Variants in CMKLR1 observed in about 807,000 individuals in gnomAD.
CMKLR1 encodes the protein chemerin chemokine-like receptor 1, also known as chemerin-like receptor 1.
A neutral mutation model predicts 8.2 loss-of-function variants in CMKLR1; 6 were observed. The ratio of observed to expected loss-of-function variants is 0.73; its 90% CI spans 0.40 to 1.44. The LOEUF (loss-of-function observed/expected upper bound fraction) is 1.44. CMKLR1 is among the 40% of genes most tolerant of loss of function. CMKLR1 has a pLI of 0.02. For missense variants in CMKLR1, 429 were observed against 478.0 expected (o/e 0.90, Z 0.96); for synonymous variants, 178 against 181.2 (o/e 0.98, Z 0.14).
Position 108,288,539 on chromosome 12 carries a change from C to T in CMKLR1, c.*3302G>A, listed in dbSNP as rs1000995845. On this transcript the variant is annotated 3_prime_UTR_variant, in exon 4 of 4. Coordinates refer to ENST00000550402, the MANE Select transcript of CMKLR1 (RefSeq NM_001142343.2). ...TTGTCAGTGCCCAGTTTCCTCACCC[C>T]TTCTGAACCTTGCTGCCAGAATCTC... 1 of 152,384 alleles carries T rather than the reference C, an allele frequency of 6.6e-6. No individual in the cohort carries two copies. Among genetic ancestry groups the T allele is most frequent in the Admixed American group, 6.5e-5 (1 of 15,288 alleles). The allele number at this position is 152,384 out of a possible 1,614,324, so 9.4% of individuals were successfully genotyped here.
At chr12:108,293,280 A>C (rs1891044597) in intron 3 of CMKLR1, among the ~76,000 whole-genome samples, 1 of 152,172 alleles carries the variant, frequency 6.6e-6, no homozygotes, top group South Asian at 2.1e-4. Context: ...CAGCTAGGAA[A>C]AGGCAGACCT....
At chr12:108,296,974 A>G (rs1566018876) in intron 2 of CMKLR1, among the ~76,000 whole-genome samples, 1 of 152,272 alleles carries the variant, frequency 6.6e-6, no homozygotes, top group Non-Finnish European at 1.5e-5. Flanking sequence ...TGAATTATAA[A>G]GAGCTGTAAA....
chr12:108,293,722 G>A (rs1891055615), intron 2 of CMKLR1, 58 bp from the exon 3 acceptor site: 4 of 947,754 alleles, frequency 4.2e-6, no homozygotes, highest in East Asian at 2.6e-5. Flanking sequence ...AAGAACCAGA[G>A]GGTTGAGTGG....
rs947153008 is a variant in CMKLR1, at chr12:108,291,748, G to A, written c.*93C>T. 36 of 1,281,934 alleles carry A rather than the reference G, an allele frequency of 2.8e-5. No individual in the cohort carries two copies. In the African/African-American group the frequency reaches 5.2e-4, roughly 19 times the overall value. 79.4% of individuals were successfully genotyped at this position (1,281,934 alleles called of 1,614,324 possible). A position where few individuals can be genotyped will look rare whatever the true frequency, so the allele number is the denominator to read the frequency against. ...ATGCAAAATGCAGTGAAAATTGGTG[G>A]ATGCTAAAGAGGTTCTTGCCTTGAT... is the stretch of plus-strand genomic sequence containing the variant. On this transcript the variant is annotated 3_prime_UTR_variant, in exon 4 of 4. Coordinates refer to ENST00000550402, the MANE Select transcript of CMKLR1 (RefSeq NM_001142343.2).
intron 2 of CMKLR1, among the ~76,000 whole-genome samples, chr12:108,322,144 T>A (rs1891876981): frequency 6.6e-6 from 1 of 152,116 alleles, no homozygotes; most frequent in African/African-American, 2.4e-5. Flanking sequence ...TTTCTAAATG[T>A]GGAGGGAGAA....
At chr12:108,299,912 G>A (rs1891223941) in intron 2 of CMKLR1, among the ~76,000 whole-genome samples, 1 of 152,182 alleles carries the variant, frequency 6.6e-6, no homozygotes, top group African/African-American at 2.4e-5. Context: ...GGCAGCGCTG[G>A]AAAACAAATA....
chr12:108,325,885 A>C (rs1891971867), intron 2 of CMKLR1, among the ~76,000 whole-genome samples: 2 of 133,906 alleles, frequency 1.5e-5, no homozygotes, highest in Admixed American at 8.2e-5. Context: ...CAGTTTTACC[A>C]GTTCTGCAGA....
At chr12:108,293,707 G>C in intron 2 of CMKLR1, 43 bp from the exon 3 acceptor site, 1 of 1,190,416 alleles carries the variant, frequency 8.4e-7, no homozygotes, top group Non-Finnish European at 1.2e-6. Flanking sequence ...ATTGGATCCA[G>C]GTCTAAGAAC....
At chr12:108,316,312 T>C (rs2137324911) in intron 2 of CMKLR1, among the ~76,000 whole-genome samples, 1 of 151,816 alleles carries the variant, frequency 6.6e-6, no homozygotes, top group South Asian at 2.1e-4. Flanking sequence ...GGATAGGTGA[T>C]CTTAGGAGGG....
At chr12:108,311,420 G>C (rs573098955) in intron 2 of CMKLR1, among the ~76,000 whole-genome samples, 4 of 152,292 alleles carry the variant, frequency 2.6e-5, no homozygotes, top group African/African-American at 9.6e-5. Flanking sequence ...TACAACACCA[G>C]CTTGGGCATC....
chr12:108,298,291 A>C (rs1891185245), intron 2 of CMKLR1, among the ~76,000 whole-genome samples: 1 of 152,218 alleles, frequency 6.6e-6, no homozygotes, highest in South Asian at 2.1e-4. Flanking sequence ...AAGAGTCCAA[A>C]CACTGTATCA....
rs765046025 is a variant in CMKLR1, at chr12:108,292,324, C to A, written c.639G>T (p.Gly213=). The stretch of plus-strand genomic sequence containing the variant: ...CAGTCACCACCATGTGCCGGCTATA[C>A]CCCACAGGGTCCATTTGGGAGTGAG... ...WPTHSQMDPV[G]YSRHMVVTVT... The change falls in exon 4 of 4, where the codon GGG becomes GGT. Residue 213 remains glycine (G), a synonymous_variant. Coordinates refer to ENST00000550402, the MANE Select transcript of CMKLR1 (RefSeq NM_001142343.2). 1.2e-6 allele frequency: 2 copies of A among 1,614,140 alleles called. No homozygotes were observed. Among genetic ancestry groups the A allele is most frequent in the Non-Finnish European group, 1.7e-6 (2 of 1,180,024 alleles).
chr12:108,327,671 G>T (rs1394907013), intron 2 of CMKLR1, among the ~76,000 whole-genome samples: 1 of 152,230 alleles, frequency 6.6e-6, no homozygotes, highest in African/African-American at 2.4e-5. Context: ...TCAGCCAAGA[G>T]GTAGGACTGG....
chr12:108,292,875 C>A lies in CMKLR1; in HGVS notation c.88G>T (p.Asp30Tyr). 1.7e-5 allele frequency: 27 copies of A among 1,614,112 alleles called. No homozygotes were observed. The highest frequency in any genetic ancestry group is 2.3e-5 in the Non-Finnish European group (27 of 1,180,018). The change falls in exon 4 of 4, where the codon GAC becomes TAC. Residue 30 changes from aspartate (D) to tyrosine (Y), a missense_variant. Physicochemically the swap from Asp to Tyr is radical, Grantham distance 160 (BLOSUM62 -3). Transcript: ENST00000550402. ...ACCCTGGCTTCCAAGGGGGATAAGT[C>A]CTCCAAAACCACAATGGAGTCTAAA... ...DYLDSIVVLE[D>Y]LSPLEARVTR... is the part of the protein sequence containing the mutation.
At chr12:108,320,938 G>A (rs1474017802) in intron 2 of CMKLR1, among the ~76,000 whole-genome samples, 1 of 152,208 alleles carries the variant, frequency 6.6e-6, no homozygotes, top group Non-Finnish European at 1.5e-5. Context: ...GATGTTTTTG[G>A]TGCCTAGTCT....
intron 2 of CMKLR1, chr12:108,320,707 C>G (rs532151396): frequency 5.2e-5 from 8 of 152,508 alleles, no homozygotes; most frequent in African/African-American, 1.9e-4. Flanking sequence ...ACTGAGCCAG[C>G]AGCTTAGGAC....
intron 2 of CMKLR1, among the ~76,000 whole-genome samples, chr12:108,311,665 GA>G (rs1435996977): frequency 6.6e-6 from 1 of 152,196 alleles, no homozygotes; most frequent in African/African-American, 2.4e-5. Flanking sequence ...ACGCTAAGGG[GA>G]AAAGGCAGCA....
intron 2 of CMKLR1, among the ~76,000 whole-genome samples, chr12:108,321,789 T>C (rs1891868327): frequency 6.6e-6 from 1 of 152,202 alleles, no homozygotes; most frequent in African/African-American, 2.4e-5. Context: ...CAAGGCTCTC[T>C]CTCTGCTCAC....
intron 2 of CMKLR1, among the ~76,000 whole-genome samples, chr12:108,312,489 G>A (rs1052665885): frequency 2.6e-5 from 4 of 152,332 alleles, no homozygotes; most frequent in East Asian, 1.9e-4. Context: ...CCAAAACTGA[G>A]AGTCTGGGGC....
Sources: allele counts gnomAD v4.1 joint callset (sites outside exome capture counted in the v4.1 genomes callset), GRCh38; gene constraint gnomAD v4.1.1; transcripts MANE v1.5; gene names NCBI Gene and HGNC (gene_info 2026-07-23, HGNC 2026-07-21).